NRXN1: variants seen among roughly 807,000 people sequenced by gnomAD.
NRXN1 encodes the protein neurexin-1.
Under a neutral mutation model 150.9 loss-of-function variants are expected in NRXN1, and 39 were observed. The ratio of observed to expected loss-of-function variants is 0.26; its 90% CI spans 0.20 to 0.34. NRXN1 has a LOEUF of 0.34. NRXN1 is among the 10% of genes least tolerant of loss of function. The pLI, the probability that NRXN1 is intolerant of heterozygous loss-of-function variation, is 1.00. For missense variants in NRXN1, 1,815 were observed against 1,949.9 expected, an observed-to-expected ratio of 0.93 and a Z score of 1.30; for synonymous variants, 924 against 757.0, an observed-to-expected ratio of 1.22 and a Z score of -3.62.
chr2:50,488,571 C>T (rs781049402), intron 15 of NRXN1, among the ~76,000 whole-genome samples: 5 of 152,134 alleles, frequency 3.3e-5, no homozygotes, highest in African/African-American at 7.2e-5. Context: ...TTCCTGAGTA[C>T]GCCTTTTATG....
At chr2:50,423,602 AATC>A (rs1213494967) in intron 17 of NRXN1, among the ~76,000 whole-genome samples, 1 of 152,148 alleles carries the variant, frequency 6.6e-6, no homozygotes, top group African/African-American at 2.4e-5. Flanking sequence ...AATTAATAAA[AATC>A]TTTATTGATC....
At position 50,465,422 on chromosome 2, in the gene NRXN1, A is replaced by T. The variant is rs3213756; in HGVS notation, c.3364+20T>A. ...TGGAAGCAACGATGAGTATCAGTCC[A>T]TACTCAGAGAGGTACTTACGGTCAT... is the stretch of plus-strand genomic sequence containing the variant. On this transcript the variant is annotated intron_variant, in intron 17 of 22. Coordinates refer to ENST00000401669, the MANE Select transcript of NRXN1 (RefSeq NM_001330078.2). 2.5e-6 allele frequency: 4 copies of T among 1,596,054 alleles called. No homozygotes were observed. Among genetic ancestry groups the T allele is most frequent in the African/African-American group, 2.7e-5 (2 of 74,524 alleles).
intron 17 of NRXN1, among the ~76,000 whole-genome samples, chr2:50,305,096 T>TGG (rs1311884041): frequency 6.6e-6 from 1 of 151,268 alleles, no homozygotes; most frequent in Non-Finnish European, 1.5e-5. Context: ...TTGTAGGGGG[T>TGG]GGGATGGGGC....
In NRXN1 at chr2:50,346,565, C is replaced by T; in HGVS notation, c.3365-109595G>A. On this transcript the variant is annotated intron_variant, in intron 17 of 22. Coordinates refer to ENST00000401669, the MANE Select transcript of NRXN1 (RefSeq NM_001330078.2). This position sits in a 1 kb window ranked among gnomAD's most constrained non-coding sequence, Gnocchi z 5.0. ...AGAGATAAGTGGCTCGCACCAAGCA[C>T]ACCCAAATGCACCTCCCTTTTGTCG... 1 of 1,004,668 alleles carries T rather than the reference C, an allele frequency of 1.0e-6. No individual in the cohort carries two copies. Among genetic ancestry groups the T allele is most frequent in the Non-Finnish European group, 1.5e-6 (1 of 655,810 alleles). The allele number at this position is 1,004,668 out of a possible 1,614,324, so 62.2% of individuals were successfully genotyped here.
At position 49,936,838 on chromosome 2, in the gene NRXN1, A is replaced by ACACACG. The variant is rs1157817136; in HGVS notation, c.4216+6865_4216+6866insCGTGTG. ...TATGTACACACACACACACACACAC[A>ACACACG]CACATATGAAATACCTTTTGCTTGT... On this transcript the variant is annotated intron_variant, in intron 22 of 22. Coordinates refer to ENST00000401669, the MANE Select transcript of NRXN1 (RefSeq NM_001330078.2). 3.8e-3 allele frequency among the ~76,000 whole-genome samples: 572 copies of ACACACG among 152,126 alleles called. 3 individuals are homozygous for ACACACG. Among genetic ancestry groups the ACACACG allele is most frequent in the African/African-American group, 0.013 (545 of 41,506 alleles).
intron 17 of NRXN1, among the ~76,000 whole-genome samples, chr2:50,280,855 G>C (rs535948107): frequency 3.3e-5 from 5 of 152,036 alleles, no homozygotes; most frequent in Non-Finnish European, 7.4e-5. Context: ...TGTTTGGTTT[G>C]GTTGTTGTTG....
At chr2:50,193,582 C>T (rs2061576132) in intron 18 of NRXN1, among the ~76,000 whole-genome samples, 1 of 152,114 alleles carries the variant, frequency 6.6e-6, no homozygotes, top group South Asian at 2.1e-4. Context: ...GCAGCATATA[C>T]AAATTGTTAA....
At chr2:50,108,474 T>C (rs1438060928) in intron 18 of NRXN1, among the ~76,000 whole-genome samples, 2 of 152,068 alleles carry the variant, frequency 1.3e-5, no homozygotes, top group South Asian at 2.1e-4. Context: ...GACTCAAACT[T>C]GGTCCTTTTT....
intron 21 of NRXN1, among the ~76,000 whole-genome samples, chr2:50,024,494 T>C (rs1467763049): frequency 1.3e-5 from 2 of 152,200 alleles, no homozygotes; most frequent in African/African-American, 4.8e-5. Context: ...CAGTTTCCTT[T>C]AAAGGGGGGA....
At chr2:50,627,615 G>GACACACACACACACAC (rs142392248) in intron 5 of NRXN1, among the ~76,000 whole-genome samples, 1 of 148,334 alleles carries the variant, frequency 6.7e-6, no homozygotes, top group Non-Finnish European at 1.5e-5. Context: ...GTCAGACACA[G>GACACACACACACACAC]ACACACACAC....
At chr2:50,128,052 T>A (rs1704868276) in intron 18 of NRXN1, among the ~76,000 whole-genome samples, 1 of 152,148 alleles carries the variant, frequency 6.6e-6, no homozygotes, top group Non-Finnish European at 1.5e-5. Flanking sequence ...TATTCAATAT[T>A]TAAAACAGCT....
At chr2:50,645,637 T>G (rs1022996000) in intron 5 of NRXN1, among the ~76,000 whole-genome samples, 1 of 151,998 alleles carries the variant, frequency 6.6e-6, no homozygotes, top group Non-Finnish European at 1.5e-5. Context: ...TCTGTTGAAT[T>G]AATTATTCAT....
chr2:50,773,607 T>A (rs1220797646), intron 5 of NRXN1, among the ~76,000 whole-genome samples: 1 of 152,158 alleles, frequency 6.6e-6, no homozygotes, highest in Non-Finnish European at 1.5e-5. Context: ...CCCAAGCTAA[T>A]CCTGTGTTCT....
intron 8 of NRXN1, among the ~76,000 whole-genome samples, chr2:50,582,610 A>ATTT (rs1672459067): frequency 6.6e-6 from 1 of 151,910 alleles, no homozygotes; most frequent in African/African-American, 2.4e-5. Flanking sequence ...AAACTAGCAC[A>ATTT]TAAACATAGG....
At chr2:50,431,758 G>C (rs893124745) in intron 17 of NRXN1, among the ~76,000 whole-genome samples, 2 of 152,098 alleles carry the variant, frequency 1.3e-5, no homozygotes, top group African/African-American at 4.8e-5. Context: ...TGTATGATCT[G>C]CAAAGCTTAA....
At chr2:50,076,587 T>G (rs912066948) in intron 19 of NRXN1, among the ~76,000 whole-genome samples, 7 of 152,218 alleles carry the variant, frequency 4.6e-5, no homozygotes, top group Admixed American at 2.0e-4. Context: ...TTTGAACCCA[T>G]GCAGTCTGGC....
At chr2:50,867,213 CT>C (rs1677073347) in intron 5 of NRXN1, among the ~76,000 whole-genome samples, 1 of 151,868 alleles carries the variant, frequency 6.6e-6, no homozygotes, top group Non-Finnish European at 1.5e-5. Context: ...TAAGGGCCCT[CT>C]TCCCATCTCC....
At chr2:51,016,015 C>CA (rs1212987482) in intron 2 of NRXN1, among the ~76,000 whole-genome samples, 3 of 151,902 alleles carry the variant, frequency 2.0e-5, no homozygotes, top group African/African-American at 4.8e-5. Context: ...GTACTGGTAC[C>CA]AAAACAGATA....
At chr2:50,355,796 C>A (rs547999948) in intron 17 of NRXN1, among the ~76,000 whole-genome samples, 2 of 152,136 alleles carry the variant, frequency 1.3e-5, no homozygotes, top group East Asian at 3.9e-4. Flanking sequence ...TACTATTGTG[C>A]AGAATAAATG....
Sources: gnomAD v4.1 joint callset for allele counts (sites outside exome capture counted in the v4.1 genomes callset) on GRCh38, gnomAD v4.1.1 for gene constraint, Gnocchi (gnomAD v3.1) non-coding constraint, MANE v1.5 for transcripts, NCBI Gene and HGNC (gene_info 2026-07-23, HGNC 2026-07-21) for gene names.